Variants in TEX36 observed in about 807,000 individuals in gnomAD.
The protein encoded by TEX36 is testis expressed 36, also known as testis-expressed protein 36.
TEX36 carries 12 observed loss-of-function variants against 13.6 expected under a neutral mutation model. That is an observed-to-expected ratio of 0.88 (90% CI 0.56 to 1.43). TEX36 has a LOEUF of 1.43. Ranked by LOEUF, TEX36 falls within the 40% of genes most tolerant of loss-of-function variation. The probability of loss-of-function intolerance (pLI) is 0.00; values close to 1 mark genes in which losing one functional copy is unlikely to be tolerated. For missense variants in TEX36, 224 were observed against 228.3 expected (o/e 0.98, Z 0.12); for synonymous variants, 93 against 83.0 (o/e 1.12, Z -0.65).
chr10:125,590,307 A>C (rs1846006644), intron 3 of TEX36, among the ~76,000 whole-genome samples: 1 of 152,062 alleles, frequency 6.6e-6, no homozygotes, highest in Admixed American at 6.6e-5. Flanking sequence ...TGTAGAGAGA[A>C]GGTTTCACTG....
intron 3 of TEX36, among the ~76,000 whole-genome samples, chr10:125,609,104 G>A (rs1415923466): frequency 3.3e-5 from 5 of 150,352 alleles, no homozygotes; most frequent in African/African-American, 7.4e-5. Context: ...GCAGTGAGCC[G>A]AGATGGTGCC....
rs188425413 is a variant in TEX36 at position 125,633,100 on chromosome 10, G to A, written c.265-11455C>T. ...GATTGTGCCACTGCACTCCAATCTG[G>A]GTGACAGAATGAGACCCTGTCTCAA... On this transcript the variant is annotated intron_variant, in intron 3 of 3. Coordinates refer to the TEX36 transcript ENST00000526819. Among the ~76,000 whole-genome samples the A allele has an allele frequency of 2.6e-5, 4 of 152,088 alleles. No homozygotes were observed. The East Asian group carries it at 7.7e-4, about 29-fold the overall frequency.
intron 3 of TEX36, among the ~76,000 whole-genome samples, chr10:125,600,202 A>G (rs561347300): frequency 4.3e-4 from 66 of 152,332 alleles, no homozygotes; most frequent in African/African-American, 1.5e-3. Flanking sequence ...TTACTTTCTC[A>G]GAAAGTCTGC....
intron 3 of TEX36, among the ~76,000 whole-genome samples, chr10:125,592,443 A>G (rs1488062326): frequency 2.0e-5 from 3 of 152,064 alleles, no homozygotes; most frequent in Admixed American, 2.0e-4. Context: ...CTTGAATTTT[A>G]TGTTGAGATT....
At chr10:125,670,069 T>C (rs892406661) in intron 1 of TEX36, among the ~76,000 whole-genome samples, 2 of 152,236 alleles carry the variant, frequency 1.3e-5, no homozygotes, top group African/African-American at 4.8e-5. Flanking sequence ...CATGAATGTA[T>C]CTTTATAATA....
At chr10:125,649,648 A>G (rs1406008238) in intron 3 of TEX36, among the ~76,000 whole-genome samples, 1 of 152,244 alleles carries the variant, frequency 6.6e-6, no homozygotes, top group African/African-American at 2.4e-5. Context: ...ACATAACAAT[A>G]TTAACTTTAA....
intron 3 of TEX36, chr10:125,640,360 CG>C (rs1565181318): frequency 4.1e-6 from 1 of 245,192 alleles, no homozygotes; most frequent in African/African-American, 2.3e-5. Context: ...TTACTCTCTG[CG>C]GAAATCACAC....
At chr10:125,625,556 A>T (rs1846476595) in intron 3 of TEX36, among the ~76,000 whole-genome samples, 1 of 152,258 alleles carries the variant, frequency 6.6e-6, no homozygotes, top group Admixed American at 6.5e-5. Flanking sequence ...CTCTTTCAAA[A>T]GGAGAAATAA....
intron 3 of TEX36, among the ~76,000 whole-genome samples, chr10:125,589,994 G>T (rs981176235): frequency 6.6e-6 from 1 of 152,130 alleles, no homozygotes; most frequent in Non-Finnish European, 1.5e-5. Context: ...TAAGTTGCAG[G>T]TCTCCTTTTT....
intron 3 of TEX36, among the ~76,000 whole-genome samples, chr10:125,598,082 C>T (rs1051854902): frequency 2.6e-5 from 4 of 151,884 alleles, no homozygotes; most frequent in East Asian, 1.9e-4. Flanking sequence ...GAGTGGCAGG[C>T]CCCTAAGAGG....
At chr10:125,578,920 A>T (rs1014101254) in intron 3 of TEX36, among the ~76,000 whole-genome samples, 5 of 152,118 alleles carry the variant, frequency 3.3e-5, no homozygotes, top group Admixed American at 3.3e-4. Flanking sequence ...CTTTCCCCAC[A>T]TGCTGTGCCC....
chr10:125,667,061 TAGG>T, intron 1 of TEX36: 1 of 1,390,716 alleles, frequency 7.2e-7, no homozygotes, highest in Non-Finnish European at 1.0e-6. Flanking sequence ...GGCTCGGCCA[TAGG>T]AGAAGGTCAC....
At chr10:125,604,361 G>A (rs1728179458) in intron 3 of TEX36, among the ~76,000 whole-genome samples, 1 of 152,164 alleles carries the variant, frequency 6.6e-6, no homozygotes, top group African/African-American at 2.4e-5. Context: ...GTGCATGCAA[G>A]GGACTAATTT....
chr10:125,667,144 G>T (rs1442442746), intron 1 of TEX36: 26 of 703,358 alleles, frequency 3.7e-5, no homozygotes, highest in Middle Eastern at 2.5e-4. Flanking sequence ...AGACAGGAAT[G>T]TGATCCCAGG....
At chr10:125,656,283 G>GCAAGAC in intron 3 of TEX36, 87 bp from the exon 4 acceptor site, 1 of 1,177,760 alleles carries the variant, frequency 8.5e-7, no homozygotes, top group Non-Finnish European at 1.1e-6. Context: ...TTGAGACAGA[G>GCAAGAC]TCTTGCTCTG....
At chr10:125,665,225 C>G (rs1440184945) in intron 1 of TEX36, among the ~76,000 whole-genome samples, 1 of 152,106 alleles carries the variant, frequency 6.6e-6, no homozygotes, top group Non-Finnish European at 1.5e-5. Flanking sequence ...GTTTCCTTTG[C>G]TGTGCAGAAG....
intron 3 of TEX36, 82 bp downstream of exon 3, chr10:125,660,939 C>A: frequency 8.1e-7 from 1 of 1,236,650 alleles, no homozygotes; most frequent in East Asian, 2.5e-5. Flanking sequence ...GAGGCCAATC[C>A]TCTATCTTCA....
intron 3 of TEX36, among the ~76,000 whole-genome samples, chr10:125,596,744 T>G (rs924521603): frequency 1.3e-5 from 2 of 152,182 alleles, no homozygotes; most frequent in Non-Finnish European, 2.9e-5. Flanking sequence ...ACCACCTGCA[T>G]GAGAAATCAG....
intron 1 of TEX36, among the ~76,000 whole-genome samples, chr10:125,677,629 T>C (rs1426283223): frequency 6.6e-6 from 1 of 152,196 alleles, no homozygotes; most frequent in Non-Finnish European, 1.5e-5. Context: ...GATTTCTTTG[T>C]ATTATTTTTC....
Sources: gnomAD v4.1 joint callset for allele counts (sites outside exome capture counted in the v4.1 genomes callset) on GRCh38, gnomAD v4.1.1 for gene constraint, MANE v1.5 for transcripts, NCBI Gene and HGNC (gene_info 2026-07-23, HGNC 2026-07-21) for gene names.